Variants in RAB8B observed in about 807,000 individuals in gnomAD.
RAB8B encodes the protein ras-related protein Rab-8B.
RAB8B carries 11 observed loss-of-function variants against 32.0 expected under a neutral mutation model. The ratio of observed to expected loss-of-function variants is 0.34; its 90% CI spans 0.22 to 0.57. The LOEUF (loss-of-function observed/expected upper bound fraction) is 0.57. Ranked by LOEUF, RAB8B falls within the 20% of genes least tolerant of loss-of-function variation. The pLI, the probability that RAB8B is intolerant of heterozygous loss-of-function variation, is 0.86. For missense variants in RAB8B, 190 were observed against 258.5 expected (o/e 0.73, Z 1.82); for synonymous variants, 103 against 89.6 (o/e 1.15, Z -0.85).
intron 3 of RAB8B, among the ~76,000 whole-genome samples, chr15:63,254,013 C>G (rs1186980458): frequency 6.6e-6 from 1 of 152,232 alleles, no homozygotes; most frequent in Admixed American, 6.5e-5. Context: ...ACAGTGGTCT[C>G]TTGAGTACCC....
chr15:63,260,007 G>A (rs531930927), intron 6 of RAB8B, among the ~76,000 whole-genome samples: 9 of 152,206 alleles, frequency 5.9e-5, no homozygotes, highest in Non-Finnish European at 1.3e-4. Context: ...GCTAATTTTT[G>A]TATTTTTAGT....
chr15:63,213,614 C>G (rs968167599), intron 1 of RAB8B, among the ~76,000 whole-genome samples: 1 of 151,866 alleles, frequency 6.6e-6, no homozygotes, highest in South Asian at 2.1e-4. Context: ...TAAAAAAAAA[C>G]CCAAAACAAA....
intron 1 of RAB8B, 131 bp downstream of exon 1, chr15:63,189,879 T>TGAGAGGGGGGAGGGCGTGAGG: frequency 1.1e-6 from 1 of 913,920 alleles, no homozygotes; most frequent in Non-Finnish European, 1.4e-6. Context: ...GCGGGGGCAC[T>TGAGAGGGGGGAGGGCGTGAGG]GAGAGGGGCG....
chr15:63,209,852 C>A lies in RAB8B; in HGVS notation c.124+20104C>A, dbSNP rs571286420. ...TGCCATGGTGGTTTGCTGTACCCAT[C>A]AACCCGTCATCTACATTAGGTATTT... On this transcript the variant is annotated intron_variant, in intron 1 of 7. Transcript: ENST00000321437. Among the ~76,000 whole-genome samples the A allele has an allele frequency of 5.6e-3, 844 of 151,946 alleles. 6 individuals carry two copies. Among genetic ancestry groups the A allele is most frequent in the African/African-American group, 0.018 (754 of 41,422 alleles).
At chr15:63,207,227 G>A (rs1012873894) in intron 1 of RAB8B, among the ~76,000 whole-genome samples, 7 of 152,078 alleles carry the variant, frequency 4.6e-5, no homozygotes, top group African/African-American at 1.2e-4. Context: ...TGTAAACTCC[G>A]CGAGTGCACA....
At chr15:63,249,570 C>T (rs1452261310) in intron 2 of RAB8B, 75 bp from the exon 3 acceptor site, 3 of 1,376,730 alleles carry the variant, frequency 2.2e-6, no homozygotes, top group Middle Eastern at 1.8e-4. Context: ...AGAATTACAT[C>T]TCCTACAGCA....
At chr15:63,227,048 G>A (rs1214227472) in intron 1 of RAB8B, among the ~76,000 whole-genome samples, 3 of 152,148 alleles carry the variant, frequency 2.0e-5, no homozygotes, top group Non-Finnish European at 2.9e-5. Flanking sequence ...GGCCATTTTG[G>A]TTTTGGTGGC....
chr15:63,195,219 C>T (rs981570790), intron 1 of RAB8B, among the ~76,000 whole-genome samples: 8 of 152,036 alleles, frequency 5.3e-5, no homozygotes, highest in African/African-American at 1.9e-4. Context: ...GTAGATTTCC[C>T]ATCTAAGCAA....
chr15:63,209,080 A>G (rs905248379), intron 1 of RAB8B, among the ~76,000 whole-genome samples: 1 of 151,624 alleles, frequency 6.6e-6, no homozygotes, highest in Non-Finnish European at 1.5e-5. Flanking sequence ...TAGTAGAGAC[A>G]GAGTTTCGCC....
At chr15:63,190,133 G>A (rs574976504) in intron 1 of RAB8B, among the ~76,000 whole-genome samples, 6 of 150,056 alleles carry the variant, frequency 4.0e-5, no homozygotes, top group African/African-American at 1.5e-4. Flanking sequence ...ACGTGCCAAT[G>A]ATTAAAAGAC....
Position 63,259,781 on chromosome 15 carries a change from C to G in RAB8B, c.480+89C>G. ...ACAGCTCTCAGAGCTTTGGTATTTT[C>G]TGACCTAATGAATGCCTTTTGTTGA... On this transcript the variant is annotated intron_variant, in intron 6 of 7. Coordinates refer to ENST00000321437, the MANE Select transcript of RAB8B (RefSeq NM_016530.3). The surrounding 1 kb of genome is among the most constrained non-coding windows in gnomAD (Gnocchi z 4.4). The G allele has an allele frequency of 8.5e-7, 1 of 1,178,736 alleles. No homozygotes were observed. Among genetic ancestry groups the G allele is most frequent in the Non-Finnish European group, 1.2e-6 (1 of 805,158 alleles). 73.0% of individuals were successfully genotyped at this position (1,178,736 alleles called of 1,614,324 possible).
chr15:63,197,989 A>G (rs1019275262), intron 1 of RAB8B, among the ~76,000 whole-genome samples: 4 of 152,204 alleles, frequency 2.6e-5, no homozygotes, highest in Admixed American at 6.5e-5. Context: ...TATTATTAGT[A>G]AATAATTATT....
At chr15:63,198,080 A>G (rs946462835) in intron 1 of RAB8B, among the ~76,000 whole-genome samples, 1 of 152,156 alleles carries the variant, frequency 6.6e-6, no homozygotes, top group Admixed American at 6.5e-5. Flanking sequence ...AAGTTGAATT[A>G]ATAAGAACCT....
intron 1 of RAB8B, among the ~76,000 whole-genome samples, chr15:63,202,689 C>G (rs1249885799): frequency 6.6e-6 from 1 of 152,220 alleles, no homozygotes; most frequent in East Asian, 1.9e-4. Flanking sequence ...AGCTTCCTTC[C>G]TTTGGCAATT....
chr15:63,223,964 A>C, intron 1 of RAB8B: 1 of 303,818 alleles, frequency 3.3e-6, no homozygotes. Flanking sequence ...TGTCACTTAT[A>C]GCACTGTGGT....
chr15:63,194,010 A>G (rs2037580467), intron 1 of RAB8B, among the ~76,000 whole-genome samples: 1 of 152,212 alleles, frequency 6.6e-6, no homozygotes, highest in Non-Finnish European at 1.5e-5. Flanking sequence ...TTTAACAAAA[A>G]GAGATAACCC....
At chr15:63,198,262 T>C (rs1037178093) in intron 1 of RAB8B, among the ~76,000 whole-genome samples, 3 of 152,228 alleles carry the variant, frequency 2.0e-5, no homozygotes, top group Non-Finnish European at 4.4e-5. Flanking sequence ...ATTTTCTTGC[T>C]GTCCTACTTG....
At chr15:63,210,584 T>G (rs2037738571) in intron 1 of RAB8B, among the ~76,000 whole-genome samples, 1 of 152,216 alleles carries the variant, frequency 6.6e-6, no homozygotes, top group Non-Finnish European at 1.5e-5. Flanking sequence ...CCCAACCTTC[T>G]GTGGATCATT....
rs1273530093 is a variant in RAB8B, at chr15:63,222,976, A to G, written c.125-21780A>G. 19 of 450,098 alleles carry G rather than the reference A, an allele frequency of 4.2e-5. No individual in the cohort carries two copies. The Admixed American group carries it at 4.4e-4, about 10-fold the overall frequency. The allele number at this position is 450,098 out of a possible 1,614,324, so 27.9% of individuals were successfully genotyped here. ...TAGGTGTATAGTGTTTATAGAGTCT[A>G]CAGTAGTGTACAGTAATGTCCTAGG... On this transcript the variant is annotated intron_variant, in intron 1 of 7. Coordinates refer to ENST00000321437, the MANE Select transcript of RAB8B (RefSeq NM_016530.3).
Sources: gnomAD v4.1 joint callset for allele counts (sites outside exome capture counted in the v4.1 genomes callset) on GRCh38, gnomAD v4.1.1 for gene constraint, Gnocchi (gnomAD v3.1) non-coding constraint, MANE v1.5 for transcripts, NCBI Gene and HGNC (gene_info 2026-07-23, HGNC 2026-07-21) for gene names.